Variants in RNF213 observed in about 807,000 individuals in gnomAD.
RNF213 encodes ring finger protein 213.
A neutral mutation model predicts 514.4 loss-of-function variants in RNF213; 341 were observed. The observed-to-expected ratio is 0.66, with a 90% CI of 0.61 to 0.73. The LOEUF is 0.73. Among genes scored for constraint, RNF213 ranks in the 30% least tolerant of loss-of-function variants. The probability of loss-of-function intolerance (pLI) is 0.00; values close to 1 mark genes in which losing one functional copy is unlikely to be tolerated. For missense variants in RNF213, 5,767 were observed against 6,615.6 expected, an observed-to-expected ratio of 0.87 and a Z score of 4.45; for synonymous variants, 2,655 against 2,658.2, an observed-to-expected ratio of 1.00 and a Z score of 0.04.
In RNF213 at chr17:80,372,993, A is replaced by T. The variant is rs1274408517; in HGVS notation, c.12770A>T (p.Gln4257Leu). ...CTCTCAGAGATGGCCAAGGAGAAGC[A>T]GTGCTACCTGCAGCAAGTCAAGCAG... ...EGGPEMAKEK[Q>L]CYLQQVKQFC... Residue 4257 changes from glutamine (Q) to leucine (L), a missense_variant, in exon 49 of 68, where the codon CAG (glutamine) becomes CTG (leucine). Physicochemically the swap from Gln to Leu is moderately radical, Grantham distance 113. Around this residue, in one of 13 missense-constraint regions of RNF213, gnomAD observed 1,245 missense variants for 1,339.0 expected, o/e 0.93. Coordinates refer to ENST00000582970, the MANE Select transcript of RNF213 (RefSeq NM_001256071.3). 1.5e-5 allele frequency: 24 copies of T among 1,613,796 alleles called. No homozygotes were observed. Among genetic ancestry groups the T allele is most frequent in the Non-Finnish European group, 1.9e-5 (23 of 1,179,968 alleles).
At position 80,379,408 on chromosome 17, in the gene RNF213, T is replaced by TA. The variant is rs935563504; in HGVS notation, c.13546-206dup. 4.0e-5 allele frequency: 24 copies of TA among 593,622 alleles called. No individual in the cohort carries two copies. The African/African-American group carries it at 4.4e-4, about 11-fold the overall frequency. 36.8% of individuals were successfully genotyped at this position (593,622 alleles called of 1,614,324 possible). A position where few individuals can be genotyped will look rare whatever the true frequency, so the allele number is the denominator to read the frequency against. On this transcript the variant is annotated intron_variant, in intron 54 of 67. Coordinates refer to ENST00000582970, the MANE Select transcript of RNF213 (RefSeq NM_001256071.3). ...TAAAGCTTAAATTGTCTCACTTATT[T>TA]AAAAAACAGTTCCAGTTTGCCCACG...
chr17:80,360,148 A>C lies in RNF213; in HGVS notation c.11142A>C (p.Lys3714Asn), dbSNP rs150427088. 2 of 1,614,124 alleles carry C rather than the reference A, an allele frequency of 1.2e-6. No individual in the cohort carries two copies. The highest frequency in any genetic ancestry group is 3.3e-5 in the Admixed American group (2 of 60,012). The part of the protein sequence containing the change: ...NASNNVPFSW[K>N]IKDYLEELWV... The stretch of plus-strand genomic sequence containing the variant: ...CCAACAACGTCCCTTTCAGCTGGAA[A>C]ATCAAGGACTATCTGGAGGAGCTGT... Residue 3714 changes from lysine (K) to asparagine (N), a missense_variant, in exon 38 of 68, where the codon AAA becomes AAC. Lys to Asn is a moderately conservative substitution (Grantham distance 94, BLOSUM62 0). Transcript: ENST00000582970.
In RNF213 at chr17:80,339,402, C is replaced by G; in HGVS notation, c.5035C>G (p.Gln1679Glu). Residue 1679 changes from glutamine to glutamate, a missense_variant, in exon 26 of 68, where the codon CAG (glutamine) becomes GAG (glutamate). Around this residue, in one of 13 missense-constraint regions of RNF213, gnomAD observed 1,377 missense variants for 1,635.2 expected, o/e 0.84. Coordinates refer to ENST00000582970, the MANE Select transcript of RNF213 (RefSeq NM_001256071.3). ...VTELLAALCR[Q>E]MEHFLDSWKR... ...TGAGCTGCTGGCAGCCCTCTGCAGG[C>G]AGATGGAGCACTTCCTTGACAGCTG... 5.2e-6 allele frequency: 8 copies of G among 1,537,290 alleles called. No individual in the cohort carries two copies. The highest frequency in any genetic ancestry group is 7.0e-6 in the Non-Finnish European group (8 of 1,146,924).
Position 80,395,467 on chromosome 17 carries a change from ATG to A in RNF213, c.*1972_*1973del, listed in dbSNP as rs1568181850. ...CACAGAAAACAGGCTCTGCCTTCAC[ATG>A]TGAGACGGTGGACTTTTCCTCTGGA... On this transcript the variant is annotated 3_prime_UTR_variant, in exon 68 of 68. Transcript: ENST00000582970. 2 of 152,256 alleles carry A rather than the reference ATG, an allele frequency of 1.3e-5. No individual in the cohort carries two copies. Among genetic ancestry groups the A allele is most frequent in the Non-Finnish European group, 2.9e-5 (2 of 68,064 alleles). 9.4% of individuals were successfully genotyped at this position (152,256 alleles called of 1,614,324 possible). A position where few individuals can be genotyped will look rare whatever the true frequency, so the allele number is the denominator to read the frequency against.
Position 80,377,660 on chromosome 17 carries a change from T to C in RNF213, c.13511-102T>C. 1 of 1,255,740 alleles carries C rather than the reference T, an allele frequency of 8.0e-7. No individual in the cohort carries two copies. The highest frequency in any genetic ancestry group is 1.9e-4 in the Middle Eastern group (1 of 5,380). The allele number at this position is 1,255,740 out of a possible 1,614,324, so 77.8% of individuals were successfully genotyped here. The stretch of plus-strand genomic sequence containing the variant: ...GGGATGCTCTGGACAGTCATTCTCA[T>C]ATTGTGGTCAGGGCCAGAGAGTAGA... On this transcript the variant is annotated intron_variant, in intron 53 of 67. Transcript: ENST00000582970. This position sits in a 1 kb window ranked among gnomAD's most constrained non-coding sequence, Gnocchi z 4.1.
At chr17:80,284,551 G>GAA (rs201538272) in intron 3 of RNF213, among the ~76,000 whole-genome samples, 30 of 128,944 alleles carry the variant, frequency 2.3e-4, no homozygotes, top group African/African-American at 8.5e-4. Flanking sequence ...CTCAAAAAAA[G>GAA]AAAAAAAAAA....
At chr17:80,269,461 C>T (rs1341769801) in intron 2 of RNF213, among the ~76,000 whole-genome samples, 2 of 148,946 alleles carry the variant, frequency 1.3e-5, no homozygotes, top group African/African-American at 5.1e-5. Flanking sequence ...TCTATTCATC[C>T]ATCCATTCAT....
At position 80,273,166 on chromosome 17, in the gene RNF213, G is replaced by A. The variant is rs867383562; in HGVS notation, c.98-75G>A. The A allele has an allele frequency of 2.9e-5, 46 of 1,580,398 alleles. No individual in the cohort carries two copies. The Middle Eastern group carries it at 3.0e-3, about 104-fold the overall frequency. On this transcript the variant is annotated intron_variant, in intron 2 of 67. Coordinates refer to ENST00000582970, the MANE Select transcript of RNF213 (RefSeq NM_001256071.3). The stretch of plus-strand genomic sequence containing the variant: ...GGGTGAATCTCTCCATGCACTCGTG[G>A]GGAGGATTTCTGTTTTTCCTTCCTA...
intron 37 of RNF213, among the ~76,000 whole-genome samples, chr17:80,359,565 G>C (rs536288302): frequency 3.0e-4 from 44 of 147,954 alleles, no homozygotes; most frequent in South Asian, 8.7e-4. Flanking sequence ...GTGAGAGAGG[G>C]AGGGAGACAG....
chr17:80,373,444 T>C (rs1236265297), intron 49 of RNF213, among the ~76,000 whole-genome samples: 3 of 152,078 alleles, frequency 2.0e-5, no homozygotes, highest in East Asian at 3.9e-4. Context: ...CCTTTGTCTC[T>C]GTGCTTCAGC....
chr17:80,273,208 G>C lies in RNF213; in HGVS notation c.98-33G>C, dbSNP rs759864085. The C allele has an allele frequency of 3.1e-6, 5 of 1,612,648 alleles. No individual in the cohort carries two copies. The South Asian group carries it at 3.3e-5, about 11-fold the overall frequency. ...TCCTTCCTAACACTCGCTTCTCTCT[G>C]AGATCTGACCCTTCCTTCATCTGCC... On this transcript the variant is annotated intron_variant, in intron 2 of 67. Transcript: ENST00000582970.
chr17:80,393,751 A>C lies in RNF213; in HGVS notation c.*253A>C. On this transcript the variant is annotated 3_prime_UTR_variant, in exon 68 of 68. Coordinates refer to ENST00000582970, the MANE Select transcript of RNF213 (RefSeq NM_001256071.3). ...GAGTACTGTTCATTGAGAGATGACA[A>C]TGAAGATTAGATGAAATTGGAAATA... 1 of 475,750 alleles carries C rather than the reference A, an allele frequency of 2.1e-6. No individual in the cohort carries two copies. 29.5% of individuals were successfully genotyped at this position (475,750 alleles called of 1,614,324 possible). A position where few individuals can be genotyped will look rare whatever the true frequency, so the allele number is the denominator to read the frequency against.
At chr17:80,328,773 G>A (rs2046341647) in intron 20 of RNF213, among the ~76,000 whole-genome samples, 1 of 152,168 alleles carries the variant, frequency 6.6e-6, no homozygotes, top group East Asian at 1.9e-4. Context: ...TTTCTGGTCT[G>A]TGCCCTGCAC....
rs2080626751 is a variant in RNF213, at chr17:80,395,141, G to T, written c.*1643G>T. On this transcript the variant is annotated 3_prime_UTR_variant, in exon 68 of 68. Coordinates refer to ENST00000582970, the MANE Select transcript of RNF213 (RefSeq NM_001256071.3). ...GAATTTTTCCCATTTTTATGAAGGGGTTTTAAATTGTTTCATTTTGTGTGC... is the reference window on the plus strand; with the variant it reads ...GAATTTTTCCCATTTTTATGAAGGGTTTTTAAATTGTTTCATTTTGTGTGC... The T allele has an allele frequency of 6.6e-6, 1 of 151,412 alleles. No individual in the cohort carries two copies. Among genetic ancestry groups the T allele is most frequent in the Non-Finnish European group, 1.5e-5 (1 of 67,954 alleles). The allele number at this position is 151,412 out of a possible 1,614,324, so 9.4% of individuals were successfully genotyped here. A position where few individuals can be genotyped will look rare whatever the true frequency, so the allele number is the denominator to read the frequency against.
At chr17:80,262,424 G>T (rs539036380) in intron 1 of RNF213, among the ~76,000 whole-genome samples, 1 of 152,244 alleles carries the variant, frequency 6.6e-6, no homozygotes, top group Admixed American at 6.5e-5. Flanking sequence ...CTGGAGAGGG[G>T]AGGTGTGCAG....
intron 10 of RNF213, among the ~76,000 whole-genome samples, chr17:80,296,355 A>G (rs1023675962): frequency 6.6e-6 from 1 of 152,192 alleles, no homozygotes; most frequent in Non-Finnish European, 1.5e-5. Context: ...GTGTGGTATC[A>G]TGAGCAGCCT....
chr17:80,289,860 G>A, intron 6 of RNF213, 23 bp downstream of exon 6: 6 of 1,596,118 alleles, frequency 3.8e-6, no homozygotes, highest in Non-Finnish European at 5.1e-6. Context: ...CCGCAGGGGA[G>A]CAAAGGAGAC....
intron 31 of RNF213, among the ~76,000 whole-genome samples, chr17:80,351,380 C>T (rs1287517112): frequency 1.3e-5 from 2 of 152,150 alleles, no homozygotes; most frequent in Admixed American, 6.5e-5. Context: ...CGGGGCAGGC[C>T]CATTGAGGAG....
At chr17:80,326,948 C>G (rs550616264) in intron 18 of RNF213, among the ~76,000 whole-genome samples, 77 of 152,256 alleles carry the variant, frequency 5.1e-4, no homozygotes, top group African/African-American at 1.8e-3. Context: ...AGTGGTTAAA[C>G]AAAACATGTA....
Sources: gnomAD v4.1 joint callset for allele counts (sites outside exome capture counted in the v4.1 genomes callset) on GRCh38, gnomAD v4.1.1 for gene constraint, gnomAD v4.1.1 regional missense constraint, Gnocchi (gnomAD v3.1) non-coding constraint, MANE v1.5 for transcripts, NCBI Gene and HGNC (gene_info 2026-07-23, HGNC 2026-07-21) for gene names.